ALG14: variants seen among roughly 807,000 people sequenced by gnomAD.
ALG14 encodes ALG14 UDP-N-acetylglucosaminyltransferase subunit.
Under a neutral mutation model 22.8 loss-of-function variants are expected in ALG14, and 17 were observed. The ratio of observed to expected loss-of-function variants is 0.75; its 90% CI spans 0.51 to 1.12. The LOEUF is 1.12. Ranked by LOEUF, ALG14 falls within the 50% of genes most tolerant of loss-of-function variation. The pLI, the probability that ALG14 is intolerant of heterozygous loss-of-function variation, is 0.00. For synonymous variants in ALG14, 89 were observed against 103.7 expected (o/e 0.86, Z 0.86); for missense variants, 288 against 271.8 (o/e 1.06, Z -0.42).
chr1:95,002,052 T>G (rs74101958), intron 3 of ALG14, among the ~76,000 whole-genome samples: 7,194 of 152,330 alleles, frequency 0.047, 227 homozygotes, highest in African/African-American at 0.085. Context: ...CTTAAATTCA[T>G]GCTTCAATAT....
Position 95,037,377 on chromosome 1 carries a change from G to A in ALG14, c.289-10117C>T, listed in dbSNP as rs72720245. Among the ~76,000 whole-genome samples the A allele has an allele frequency of 4.0e-3, 609 of 152,282 alleles. 4 individuals are homozygous for A. The highest frequency in any genetic ancestry group is 0.012 in the African/African-American group (511 of 41,558). Reference sequence around the variant, plus strand: ...AACCCCACTGGAGTACCATGAGGCAGGAGATGTTTGCTGGGGCTCTCTCTC... The same window carrying A: ...AACCCCACTGGAGTACCATGAGGCAAGAGATGTTTGCTGGGGCTCTCTCTC... On this transcript the variant is annotated intron_variant, in intron 2 of 3. Coordinates refer to ENST00000370205, the MANE Select transcript of ALG14 (RefSeq NM_144988.4).
intron 3 of ALG14, among the ~76,000 whole-genome samples, chr1:95,002,648 A>G (rs1470212993): frequency 2.6e-5 from 4 of 152,182 alleles, no homozygotes; most frequent in Admixed American, 2.0e-4. Context: ...AAAATATCCC[A>G]TTTGAAAATA....
intron 3 of ALG14, among the ~76,000 whole-genome samples, chr1:95,023,590 A>G (rs992746523): frequency 2.6e-5 from 4 of 152,258 alleles, no homozygotes; most frequent in African/African-American, 9.6e-5. Context: ...AACCAGCTTC[A>G]GGCAAAGAGG....
chr1:95,026,668 C>T (rs1323710136), intron 3 of ALG14, among the ~76,000 whole-genome samples: 1 of 152,162 alleles, frequency 6.6e-6, no homozygotes, highest in Admixed American at 6.5e-5. Flanking sequence ...GTGGCTCATG[C>T]CTGTAATCCC....
chr1:94,994,583 C>T (rs114427081), intron 3 of ALG14, among the ~76,000 whole-genome samples: 456 of 152,284 alleles, frequency 3.0e-3, no homozygotes, highest in Non-Finnish European at 5.1e-3. Flanking sequence ...GACAAGGAAG[C>T]TATGGTACAG....
At chr1:95,031,730 T>C (rs961745342) in intron 2 of ALG14, among the ~76,000 whole-genome samples, 1 of 151,068 alleles carries the variant, frequency 6.6e-6, no homozygotes, top group African/African-American at 2.4e-5. Flanking sequence ...TAAAATAACA[T>C]CTACTATACT....
At chr1:95,015,994 A>C (rs1405384536) in intron 3 of ALG14, among the ~76,000 whole-genome samples, 2 of 152,212 alleles carry the variant, frequency 1.3e-5, no homozygotes, top group Non-Finnish European at 2.9e-5. Flanking sequence ...GGGGCTTCTT[A>C]TGCATGAATG....
At chr1:95,057,565 A>T (rs1357472532) in intron 2 of ALG14, among the ~76,000 whole-genome samples, 1 of 151,044 alleles carries the variant, frequency 6.6e-6, no homozygotes, top group Admixed American at 6.6e-5. Flanking sequence ...CAAGGTCGTG[A>T]AAATACATGC....
intron 3 of ALG14, among the ~76,000 whole-genome samples, chr1:95,005,752 G>C (rs933409166): frequency 6.6e-6 from 1 of 152,172 alleles, no homozygotes; most frequent in African/African-American, 2.4e-5. Context: ...AGTAGATAAG[G>C]GGAGCTTACA....
intron 1 of ALG14, among the ~76,000 whole-genome samples, chr1:95,066,782 C>A (rs1483505381): frequency 1.3e-5 from 2 of 151,852 alleles, no homozygotes; most frequent in Non-Finnish European, 2.9e-5. Flanking sequence ...GCCTGTAATC[C>A]CAGCTATTCA....
chr1:95,036,236 T>C (rs1674190051), intron 2 of ALG14, among the ~76,000 whole-genome samples: 1 of 151,986 alleles, frequency 6.6e-6, no homozygotes, highest in Non-Finnish European at 1.5e-5. Flanking sequence ...AATTGAATCA[T>C]GGGGGCAGTT....
At chr1:95,015,575 G>C (rs1416803733) in intron 3 of ALG14, among the ~76,000 whole-genome samples, 1 of 152,196 alleles carries the variant, frequency 6.6e-6, no homozygotes, top group Non-Finnish European at 1.5e-5. Context: ...GGGGAACTAA[G>C]GTTGTTTGTA....
chr1:95,050,088 T>C (rs1269379368), intron 2 of ALG14, among the ~76,000 whole-genome samples: 1 of 152,172 alleles, frequency 6.6e-6, no homozygotes, highest in Non-Finnish European at 1.5e-5. Flanking sequence ...GTGTTGAAAA[T>C]GTGGATTTTG....
intron 2 of ALG14, among the ~76,000 whole-genome samples, chr1:95,036,454 TCTCA>T (rs1674198182): frequency 3.0e-5 from 4 of 134,628 alleles, no homozygotes; most frequent in Non-Finnish European, 4.6e-5. Context: ...TGAGATGGAG[TCTCA>T]CTCTGTTGCC....
At chr1:95,015,455 T>C (rs1673472996) in intron 3 of ALG14, among the ~76,000 whole-genome samples, 1 of 152,182 alleles carries the variant, frequency 6.6e-6, no homozygotes, top group Admixed American at 6.5e-5. Flanking sequence ...AACAATTAAA[T>C]GCTAAGCTCT....
chr1:95,056,833 C>T (rs1458194965), intron 2 of ALG14, among the ~76,000 whole-genome samples: 6 of 151,546 alleles, frequency 4.0e-5, no homozygotes, highest in East Asian at 2.0e-4. Flanking sequence ...CCAAGGCGGG[C>T]GGATCACGTG....
intron 2 of ALG14, chr1:95,061,858 C>T (rs1256566060): frequency 6.6e-6 from 1 of 152,270 alleles, no homozygotes; most frequent in Non-Finnish European, 1.5e-5. Context: ...CTGTCCACCC[C>T]TGAACTATCC....
chr1:95,016,934 G>A (rs1474619412), intron 3 of ALG14, among the ~76,000 whole-genome samples: 1 of 140,892 alleles, frequency 7.1e-6, no homozygotes, highest in African/African-American at 2.6e-5. Flanking sequence ...TTGCAATTTT[G>A]CAAAAGGGGT....
rs549701741 is a variant in ALG14, at chr1:95,020,122, C to T, written c.420+7007G>A. Among the ~76,000 whole-genome samples, 108 of 151,944 alleles carry T rather than the reference C, an allele frequency of 7.1e-4. 1 individual carries two copies. Among genetic ancestry groups the T allele is most frequent in the African/African-American group, 2.4e-3 (100 of 41,426 alleles). ...AATCCCGCTACTCAGGAGGCTGAGG[C>T]AGGAGAATCGCTTGAACTCGGGAGG... On this transcript the variant is annotated intron_variant, in intron 3 of 3. Transcript: ENST00000370205.
Sources: gnomAD v4.1 joint callset for allele counts (sites outside exome capture counted in the v4.1 genomes callset) on GRCh38, gnomAD v4.1.1 for gene constraint, MANE v1.5 for transcripts, NCBI Gene and HGNC (gene_info 2026-07-23, HGNC 2026-07-21) for gene names.